The following TBCE variants were observed in gnomAD, a reference collection of about 807,000 sequenced individuals.
TBCE encodes tubulin folding cofactor E.
In TBCE, 53 loss-of-function variants were observed where a neutral mutation model predicts 77.0. The ratio of observed to expected loss-of-function variants is 0.69; its 90% CI spans 0.55 to 0.87. The LOEUF is 0.87. Ranked by LOEUF, TBCE falls within the 40% of genes least tolerant of loss-of-function variation. The pLI is 0.00. For synonymous variants in TBCE, 235 were observed against 241.3 expected (o/e 0.97, Z 0.24); for missense variants, 624 against 622.4 (o/e 1.00, Z -0.03).
At position 235,450,972 on chromosome 1, in the gene TBCE, T is replaced by C. The variant is rs958240775; in HGVS notation, c.*2210T>C. On this transcript the variant is annotated 3_prime_UTR_variant, in exon 17 of 17. Coordinates refer to ENST00000642610, the MANE Select transcript of TBCE (RefSeq NM_003193.5). ...CACAGAGAGAAACTCATTCAATGTTTTGACAACACAAAAATGTTGGATAAA... is the reference window on the plus strand; with the variant it reads ...CACAGAGAGAAACTCATTCAATGTTCTGACAACACAAAAATGTTGGATAAA... The C allele has an allele frequency of 2.0e-5, 3 of 152,214 alleles. No homozygotes were observed. The highest frequency in any genetic ancestry group is 7.2e-5 in the African/African-American group (3 of 41,452). The allele number at this position is 152,214 out of a possible 1,614,324, so 9.4% of individuals were successfully genotyped here.
chr1:235,373,640 AT>A (rs113834686), intron 1 of TBCE, among the ~76,000 whole-genome samples: 9 of 76,842 alleles, frequency 1.2e-4, no homozygotes, highest in South Asian at 3.7e-4. Flanking sequence ...ATTTATTTTT[AT>A]TTTTATTTTA....
intron 4 of TBCE, chr1:235,415,049 C>T (rs1468455719): frequency 1.2e-5 from 3 of 240,886 alleles, no homozygotes; most frequent in Non-Finnish European, 2.5e-5. Flanking sequence ...TGCACATCTT[C>T]ATCACCTGGG....
At chr1:235,406,343 ACCC>A (rs1679426920) in intron 3 of TBCE, among the ~76,000 whole-genome samples, 1 of 152,222 alleles carries the variant, frequency 6.6e-6, no homozygotes, top group Non-Finnish European at 1.5e-5. Context: ...AGCTATTATT[ACCC>A]ATAATTAATA....
chr1:235,403,603 T>G (rs936921446), intron 3 of TBCE, among the ~76,000 whole-genome samples: 7 of 152,234 alleles, frequency 4.6e-5, no homozygotes, highest in Admixed American at 1.3e-4. Flanking sequence ...TAATGGTCTC[T>G]GGATACAGTG....
intron 13 of TBCE, 182 bp downstream of exon 13, chr1:235,439,104 G>A (rs1681656253): frequency 1.4e-5 from 10 of 721,264 alleles, no homozygotes; most frequent in Non-Finnish European, 2.1e-5. Flanking sequence ...GGCAAGAGCA[G>A]TATCTTTCAG....
chr1:235,378,247 C>T (rs770486695), intron 1 of TBCE, among the ~76,000 whole-genome samples: 4 of 152,072 alleles, frequency 2.6e-5, no homozygotes, highest in Non-Finnish European at 4.4e-5. Context: ...TTGAGACAGG[C>T]TCTAGCTCTG....
At position 235,430,746 on chromosome 1, in the gene TBCE, G is replaced by C. The variant is rs1358486127; in HGVS notation, c.602G>C (p.Gly201Ala). ...LKFPSGSVLT[G>A]TLSVLKVLVL... ...TTTCCCTCCGGTTCAGTATTAACTG[G>C]AACGCTTTCTGTACTGAAGGTTTTA... Residue 201 changes from glycine (G) to alanine (A), a missense_variant, in exon 7 of 17, where the codon GGA becomes GCA. Coordinates refer to ENST00000642610, the MANE Select transcript of TBCE (RefSeq NM_003193.5). 3.1e-6 allele frequency: 5 copies of C among 1,613,594 alleles called. No homozygotes were observed. Among genetic ancestry groups the C allele is most frequent in the African/African-American group, 2.7e-5 (2 of 74,888 alleles).
intron 3 of TBCE, among the ~76,000 whole-genome samples, chr1:235,405,525 A>G (rs1163234764): frequency 6.6e-6 from 1 of 151,802 alleles, no homozygotes; most frequent in Non-Finnish European, 1.5e-5. Context: ...AATCCTAGCT[A>G]CTGGGAAGGT....
chr1:235,373,809 T>G (rs12134675), intron 1 of TBCE, among the ~76,000 whole-genome samples: 1 of 141,368 alleles, frequency 7.1e-6, no homozygotes, highest in Non-Finnish European at 1.5e-5. Context: ...CCACCACGCC[T>G]GGCTAATTTT....
At chr1:235,423,229 C>T (rs78398758) in intron 5 of TBCE, among the ~76,000 whole-genome samples, 10,127 of 152,028 alleles carry the variant, frequency 0.067, 636 homozygotes, top group African/African-American at 0.17. Flanking sequence ...GCTTCCTCCT[C>T]CCTCATGACC....
intron 7 of TBCE, chr1:235,433,105 G>T: frequency 6.6e-7 from 1 of 1,517,060 alleles, no homozygotes; most frequent in East Asian, 2.5e-5. Flanking sequence ...CAAGGCCAGT[G>T]AGGTCACGGG....
Position 235,441,899 on chromosome 1 carries a change from C to G in TBCE, c.1339+17C>G. ...AGCTACTAAGTAAGAATCTCAGATT[C>G]AAATAGTTTATTTGTATTTGAGTGC... On this transcript the variant is annotated intron_variant, in intron 14 of 16. Transcript: ENST00000642610. 1 of 1,611,116 alleles carries G rather than the reference C, an allele frequency of 6.2e-7. No individual in the cohort carries two copies. Among genetic ancestry groups the G allele is most frequent in the African/African-American group, 1.3e-5 (1 of 74,938 alleles).
chr1:235,430,728 C>T lies in TBCE; in HGVS notation c.584C>T (p.Ser195Phe), dbSNP rs1469308391. The T allele has an allele frequency of 1.9e-6, 3 of 1,613,304 alleles. No homozygotes were observed. In the African/African-American group the frequency reaches 4.0e-5, roughly 22 times the overall value. Reference sequence around the variant, plus strand: ...AGTGAAAATAAACTAAAATTTCCCTCCGGTTCAGTATTAACTGGAACGCTT... The same window carrying T: ...AGTGAAAATAAACTAAAATTTCCCTTCGGTTCAGTATTAACTGGAACGCTT... ...NVSENKLKFP[S>F]GSVLTGTLSV... Residue 195 changes from serine to phenylalanine, a missense_variant, in exon 7 of 17, where the codon TCC becomes TTC. Physicochemically the swap from Ser to Phe is radical, Grantham distance 155. Coordinates refer to ENST00000642610, the MANE Select transcript of TBCE (RefSeq NM_003193.5).
chr1:235,437,971 G>C (rs1246197256), intron 12 of TBCE, among the ~76,000 whole-genome samples: 1 of 152,124 alleles, frequency 6.6e-6, no homozygotes, highest in African/African-American at 2.4e-5. Flanking sequence ...CCTCCACTTA[G>C]ATCAGTGCAG....
At position 235,442,909 on chromosome 1, in the gene TBCE, C is replaced by T. The variant is rs114972093; in HGVS notation, c.1397C>T (p.Pro466Leu). 2.0e-4 allele frequency: 330 copies of T among 1,614,016 alleles called. 3 individuals carry two copies. The African/African-American group carries it at 3.7e-3, about 18-fold the overall frequency. ...CAGAAAGTCCTGGAGAAACAACTGC[C>T]GGGTAAGAAGAACCAGCCTGTCTTT... The part of the protein sequence containing the change: ...LDQKVLEKQL[P>L]GSMTIQKVKG... The change falls in exon 15 of 17, where the codon CCG (proline) becomes CTG (leucine). Residue 466 changes from proline to leucine, a missense_variant and splice_region_variant. Pro to Leu is a moderately conservative substitution (Grantham distance 98). Coordinates refer to ENST00000642610, the MANE Select transcript of TBCE (RefSeq NM_003193.5).
At chr1:235,369,446 G>T (rs2102788775) in intron 1 of TBCE, among the ~76,000 whole-genome samples, 1 of 152,150 alleles carries the variant, frequency 6.6e-6, no homozygotes, top group African/African-American at 2.4e-5. Context: ...GACAGAGGAT[G>T]CAGTGAGCCG....
Position 235,438,663 on chromosome 1 carries a change from G to T in TBCE, c.1117-106G>T. The stretch of plus-strand genomic sequence containing the variant: ...AACTAGATCTTGTCCCTCTCAATTT[G>T]ATTATTTTCTGCATGTGCTATGGAG... On this transcript the variant is annotated intron_variant, in intron 12 of 16. Transcript: ENST00000642610. 3 of 1,318,994 alleles carry T rather than the reference G, an allele frequency of 2.3e-6. No homozygotes were observed. The South Asian group carries it at 3.7e-5, about 16-fold the overall frequency. 81.7% of individuals were successfully genotyped at this position (1,318,994 alleles called of 1,614,324 possible).
rs369714783 is a variant in TBCE at position 235,448,777 on chromosome 1, A to G, written c.*15A>G. ...TGCGATGGTGACAACCAACTAATAA[A>G]ATTTAAAGACCACACTGCTTATCGT... On this transcript the variant is annotated 3_prime_UTR_variant, in exon 17 of 17. Transcript: ENST00000642610. The G allele has an allele frequency of 4.0e-5, 63 of 1,561,830 alleles. No homozygotes were observed. The highest frequency in any genetic ancestry group is 7.1e-6 in the Non-Finnish European group (8 of 1,133,046).
rs1326182808 is a variant in TBCE at position 235,450,611 on chromosome 1, T to C, written c.*1849T>C. The C allele has an allele frequency of 2.6e-6, 1 of 390,386 alleles. No homozygotes were observed. Among genetic ancestry groups the C allele is most frequent in the Non-Finnish European group, 4.8e-6 (1 of 209,344 alleles). 24.2% of individuals were successfully genotyped at this position (390,386 alleles called of 1,614,324 possible). A position where few individuals can be genotyped will look rare whatever the true frequency, so the allele number is the denominator to read the frequency against. Reference sequence around the variant, plus strand: ...ACAAATGCCATTCCGTAATGAACGATTTTAGAAACCACAAGTGAGTTTCAT... The same window carrying C: ...ACAAATGCCATTCCGTAATGAACGACTTTAGAAACCACAAGTGAGTTTCAT... On this transcript the variant is annotated 3_prime_UTR_variant, in exon 17 of 17. Transcript: ENST00000642610.
Sources: gnomAD v4.1 joint callset for allele counts (sites outside exome capture counted in the v4.1 genomes callset) on GRCh38, gnomAD v4.1.1 for gene constraint, MANE v1.5 for transcripts, NCBI Gene and HGNC (gene_info 2026-07-23, HGNC 2026-07-21) for gene names.